Variants in PLEKHG3 observed in about 807,000 individuals in gnomAD.
The protein encoded by PLEKHG3 is pleckstrin homology domain-containing family G member 3.
A neutral mutation model predicts 94.9 loss-of-function variants in PLEKHG3; 62 were observed. The ratio of observed to expected loss-of-function variants is 0.65; its 90% CI spans 0.53 to 0.81. PLEKHG3 has a LOEUF of 0.81. Ranked by LOEUF, PLEKHG3 falls within the 30% of genes least tolerant of loss-of-function variation. PLEKHG3 has a pLI of 0.00. For missense variants in PLEKHG3, 1,461 were observed against 1,619.3 expected (o/e 0.90, Z 1.68); for synonymous variants, 614 against 654.0 (o/e 0.94, Z 0.93).
At position 64,749,998 on chromosome 14, in the gene PLEKHG3, C is replaced by T. The variant is rs1174991849; in HGVS notation, c.*6295C>T. On this transcript the variant is annotated 3_prime_UTR_variant, in exon 17 of 17. Transcript: ENST00000247226. This position sits in a 1 kb window ranked among gnomAD's most constrained non-coding sequence, Gnocchi z 4.7. ...GGCCTCACCTCAGCTTAAAGACGTG[C>T]TTCTTCTTCTTGTAGTTGGCAGCAA... 13 of 1,613,090 alleles carry T rather than the reference C, an allele frequency of 8.1e-6. No individual in the cohort carries two copies. Among genetic ancestry groups the T allele is most frequent in the Non-Finnish European group, 1.1e-5 (13 of 1,179,018 alleles).
rs530220397 is a variant in PLEKHG3, at chr14:64,743,077, C to G, written c.3034C>G (p.Pro1012Ala). 1.2e-6 allele frequency: 2 copies of G among 1,613,254 alleles called. No individual in the cohort carries two copies. Among genetic ancestry groups the G allele is most frequent in the African/African-American group, 1.3e-5 (1 of 75,058 alleles). ...PKPSSAGEMS[P>A]QRFFFNPSAV... ...GCCCTCCTCGGCTGGGGAGATGTCA[C>G]CACAGCGTTTCTTCTTCAACCCGTC... Residue 1012 changes from proline (P) to alanine (A), a missense_variant, in exon 17 of 17, where the codon CCA becomes GCA. By Grantham distance (27) the Pro-to-Ala change is conservative (BLOSUM62 -1). Transcript: ENST00000247226. This position sits in a 1 kb window ranked among gnomAD's most constrained non-coding sequence, Gnocchi z 7.2.
At chr14:64,729,933 T>C (rs1463669098) in intron 3 of PLEKHG3, among the ~76,000 whole-genome samples, 1 of 152,196 alleles carries the variant, frequency 6.6e-6, no homozygotes, top group Non-Finnish European at 1.5e-5. Context: ...CCTCTGCTTT[T>C]GTGTGTTTGA....
Position 64,731,868 on chromosome 14 carries a change from A to ACT in PLEKHG3, c.1125+64_1125+65dup. ...GATGCCCAGGGGACACCTGCGTGGG[A>ACT]CTCCTGGCTCCTCTGCTCACCTAGC... On this transcript the variant is annotated intron_variant, in intron 9 of 16. Transcript: ENST00000247226. This position sits in a 1 kb window ranked among gnomAD's most constrained non-coding sequence, Gnocchi z 6.1. 3 of 1,208,750 alleles carry ACT rather than the reference A, an allele frequency of 2.5e-6. No homozygotes were observed. Among genetic ancestry groups the ACT allele is most frequent in the Non-Finnish European group, 3.7e-6 (3 of 818,230 alleles). The allele number at this position is 1,208,750 out of a possible 1,614,324, so 74.9% of individuals were successfully genotyped here.
At chr14:64,712,835 A>G (rs555722774) in intron 1 of PLEKHG3, among the ~76,000 whole-genome samples, 5 of 152,144 alleles carry the variant, frequency 3.3e-5, no homozygotes, top group African/African-American at 1.2e-4. Flanking sequence ...CCTGGCTGGA[A>G]CTCCAGTATC....
At position 64,731,511 on chromosome 14, in the gene PLEKHG3, G is replaced by A. The variant is rs745483993; in HGVS notation, c.1000G>A (p.Gly334Ser). 1 of 1,614,034 alleles carries A rather than the reference G, an allele frequency of 6.2e-7. No homozygotes were observed. The highest frequency in any genetic ancestry group is 1.1e-5 in the South Asian group (1 of 91,072). Residue 334 changes from glycine (G) to serine (S), a missense_variant, in exon 8 of 17, where the codon GGC becomes AGC. Gly to Ser is a moderately conservative substitution (Grantham distance 56). Transcript: ENST00000247226. This position sits in a 1 kb window ranked among gnomAD's most constrained non-coding sequence, Gnocchi z 6.1. ...DKTLLITKKR[G>S]DHFVYKGNIP... is the part of the protein sequence containing the mutation. The stretch of plus-strand genomic sequence containing the variant: ...AACACTGCTTATCACCAAGAAGCGG[G>A]GCGATCACTTTGTCTACAAGGGCAA...
At chr14:64,740,336 A>G (rs1330963433) in intron 15 of PLEKHG3, among the ~76,000 whole-genome samples, 1 of 152,230 alleles carries the variant, frequency 6.6e-6, no homozygotes, top group African/African-American at 2.4e-5. Flanking sequence ...GTATGTCATC[A>G]GTTCTGTGGT....
Position 64,731,613 on chromosome 14 carries a change from G to A in PLEKHG3, c.1032+70G>A, listed in dbSNP as rs1352747681. ...CCAAAGGATCTGGGCTCCCCTTCTTGTCTGCTTCTTGGGGCTCCAGCACCA... is the reference window on the plus strand; with the variant it reads ...CCAAAGGATCTGGGCTCCCCTTCTTATCTGCTTCTTGGGGCTCCAGCACCA... On this transcript the variant is annotated intron_variant, in intron 8 of 16. Coordinates refer to ENST00000247226, the MANE Select transcript of PLEKHG3 (RefSeq NM_001308147.2). This position sits in a 1 kb window ranked among gnomAD's most constrained non-coding sequence, Gnocchi z 6.1. 2.1e-5 allele frequency: 32 copies of A among 1,555,314 alleles called. No individual in the cohort carries two copies. Among genetic ancestry groups the A allele is most frequent in the Admixed American group, 3.3e-5 (2 of 59,850 alleles).
chr14:64,712,679 C>T (rs1360321629), intron 1 of PLEKHG3, among the ~76,000 whole-genome samples: 1 of 152,084 alleles, frequency 6.6e-6, no homozygotes, highest in Non-Finnish European at 1.5e-5. Flanking sequence ...TGGTACATTG[C>T]TGAACACTTT....
rs974834813 is a variant in PLEKHG3, at chr14:64,721,516, G to A, written c.-39-6077G>A. On this transcript the variant is annotated intron_variant, in intron 1 of 16. Transcript: ENST00000247226. The surrounding 1 kb of genome is among the most constrained non-coding windows in gnomAD (Gnocchi z 4.3). ...GACTACATGGGCCCTGCTGCTCTTA[G>A]GTGGTGGGAAAATGCATTCCTGAGG... 2.1e-4 allele frequency among the ~76,000 whole-genome samples: 32 copies of A among 152,212 alleles called. No individual in the cohort carries two copies. Among genetic ancestry groups the A allele is most frequent in the Admixed American group, 1.3e-4 (2 of 15,286 alleles).
rs1177722540 is a variant in PLEKHG3, at chr14:64,742,385, T to C, written c.2868T>C (p.Pro956=). 6.2e-7 allele frequency: 1 copy of C among 1,612,756 alleles called. No individual in the cohort carries two copies. Among genetic ancestry groups the C allele is most frequent in the Admixed American group, 1.7e-5 (1 of 60,020 alleles). The stretch of plus-strand genomic sequence containing the variant: ...CACTGCAGTGGGAAAAGGTGGCCCC[T>C]GAGAGGGATGGGAAGAGCCCCACTG... ...RPPLQWEKVA[P]ERDGKSPTVP... is the part of the protein sequence containing the mutation. Residue 956 remains proline, a synonymous_variant, in exon 16 of 17, where the codon CCT becomes CCC. Coordinates refer to ENST00000247226, the MANE Select transcript of PLEKHG3 (RefSeq NM_001308147.2).
Position 64,728,952 on chromosome 14 carries a change from G to A in PLEKHG3, c.352-44G>A. ...GTGTGGCTAGGGAAGGTAGTGGGCA[G>A]GGTTGTGCCGGGGGCTAGGTTCTGA... On this transcript the variant is annotated intron_variant, in intron 2 of 16. Coordinates refer to ENST00000247226, the MANE Select transcript of PLEKHG3 (RefSeq NM_001308147.2). The surrounding 1 kb of genome is among the most constrained non-coding windows in gnomAD (Gnocchi z 5.9). 2.6e-6 allele frequency: 2 copies of A among 762,092 alleles called. No individual in the cohort carries two copies. The highest frequency in any genetic ancestry group is 4.5e-6 in the Non-Finnish European group (2 of 447,290). 47.2% of individuals were successfully genotyped at this position (762,092 alleles called of 1,614,324 possible).
rs1365342511 is a variant in PLEKHG3, at chr14:64,732,088, C to T, written c.1126-7C>T. The T allele has an allele frequency of 6.2e-7, 1 of 1,609,646 alleles. No homozygotes were observed. The highest frequency in any genetic ancestry group is 1.1e-5 in the South Asian group (1 of 90,950). ...CCACTGGGTCCCTTTCCCTTGGGTC[C>T]TCCCAGGCCAAGACAGTGGAGGAGA... On this transcript the variant is annotated splice_polypyrimidine_tract_variant and splice_region_variant and intron_variant, in intron 9 of 16. Coordinates refer to ENST00000247226, the MANE Select transcript of PLEKHG3 (RefSeq NM_001308147.2). This position sits in a 1 kb window ranked among gnomAD's most constrained non-coding sequence, Gnocchi z 4.9.
Position 64,732,556 on chromosome 14 carries a change from A to T in PLEKHG3, c.1246+96A>T. The stretch of plus-strand genomic sequence containing the variant: ...AAGCTTTACCTGATAATTTTATTCC[A>T]GGAGCAGGGAGGGCGGGGGTCTCCT... On this transcript the variant is annotated intron_variant, in intron 11 of 16. Coordinates refer to ENST00000247226, the MANE Select transcript of PLEKHG3 (RefSeq NM_001308147.2). This position sits in a 1 kb window ranked among gnomAD's most constrained non-coding sequence, Gnocchi z 4.9. 30 of 1,035,236 alleles carry T rather than the reference A, an allele frequency of 2.9e-5. No homozygotes were observed. Among genetic ancestry groups the T allele is most frequent in the Non-Finnish European group, 4.0e-5 (26 of 656,728 alleles). The allele number at this position is 1,035,236 out of a possible 1,614,324, so 64.1% of individuals were successfully genotyped here.
At position 64,741,305 on chromosome 14, in the gene PLEKHG3, C is replaced by T; in HGVS notation, c.1788C>T (p.Pro596=). The T allele has an allele frequency of 6.2e-7, 1 of 1,613,788 alleles. No individual in the cohort carries two copies. Among genetic ancestry groups the T allele is most frequent in the Non-Finnish European group, 8.5e-7 (1 of 1,180,032 alleles). ...AAQEPESLLP[P]SVLDQASVIA... ...AGGAGCCTGAGAGCCTTCTGCCACC[C>T]TCTGTGCTGGACCAGGCCAGCGTCA... Residue 596 remains proline (P), a synonymous_variant, in exon 16 of 17, where the codon CCC becomes CCT. Coordinates refer to ENST00000247226, the MANE Select transcript of PLEKHG3 (RefSeq NM_001308147.2).
rs912575120 is a variant in PLEKHG3, at chr14:64,722,692, G to C, written c.-39-4901G>C. 6.6e-6 allele frequency among the ~76,000 whole-genome samples: 1 copy of C among 152,226 alleles called. No homozygotes were observed. Among genetic ancestry groups the C allele is most frequent in the Non-Finnish European group, 1.5e-5 (1 of 68,036 alleles). On this transcript the variant is annotated intron_variant, in intron 1 of 16. Transcript: ENST00000247226. The surrounding 1 kb of genome is among the most constrained non-coding windows in gnomAD (Gnocchi z 4.3). ...TGGGGTGAAGGGCAGTGGATGAAAT[G>C]ACGACATCAGCCTCTGAACCAGAAT...
chr14:64,738,022 T>C lies in PLEKHG3; in HGVS notation c.1404+647T>C. On this transcript the variant is annotated intron_variant, in intron 14 of 16. Coordinates refer to ENST00000247226, the MANE Select transcript of PLEKHG3 (RefSeq NM_001308147.2). The surrounding 1 kb of genome is among the most constrained non-coding windows in gnomAD (Gnocchi z 4.8). ...GAGGAGGAAGAGCAGGCCTTTCAGG[T>C]CTCTCTGGAGGACCTGACAGGGCAT... 7.8e-7 allele frequency: 1 copy of C among 1,281,268 alleles called. No individual in the cohort carries two copies. The highest frequency in any genetic ancestry group is 2.4e-5 in the Admixed American group (1 of 42,158). The allele number at this position is 1,281,268 out of a possible 1,614,324, so 79.4% of individuals were successfully genotyped here. A position where few individuals can be genotyped will look rare whatever the true frequency, so the allele number is the denominator to read the frequency against.
intron 15 of PLEKHG3, among the ~76,000 whole-genome samples, chr14:64,740,480 C>T (rs763019336): frequency 3.3e-5 from 5 of 152,226 alleles, no homozygotes; most frequent in African/African-American, 9.6e-5. Context: ...CATCCTCTGA[C>T]GAGATTCCAG....
rs748658459 is a variant in PLEKHG3 at position 64,741,629 on chromosome 14, G to A, written c.2112G>A (p.Lys704=). 4 of 1,612,958 alleles carry A rather than the reference G, an allele frequency of 2.5e-6. No homozygotes were observed. The African/African-American group carries it at 4.0e-5, about 16-fold the overall frequency. The change falls in exon 16 of 17, where the codon AAG becomes AAA. Residue 704 remains lysine (K), a synonymous_variant. Transcript: ENST00000247226. Reference sequence around the variant, plus strand: ...AGCCTGACCGGTCTTCCTGCAAGAAGAAGGAATCAGCACTCTCCACCCGAG... The same window carrying A: ...AGCCTGACCGGTCTTCCTGCAAGAAAAAGGAATCAGCACTCTCCACCCGAG... ...PVEPDRSSCK[K]KESALSTRDR...
chr14:64,727,836 T>C lies in PLEKHG3; in HGVS notation c.205T>C (p.Leu69=). Residue 69 remains leucine (L), a synonymous_variant, in exon 2 of 17, where the codon TTG becomes CTG. Transcript: ENST00000247226. This position sits in a 1 kb window ranked among gnomAD's most constrained non-coding sequence, Gnocchi z 6.0. ...CAGCAACAACAACTCCAGCAGCTGG[T>C]TGAACGTGAAGGGGCCCCTCTCCCC... The part of the protein sequence containing the change: ...PNSNNNSSSW[L]NVKGPLSPFN... The C allele has an allele frequency of 6.2e-7, 1 of 1,612,874 alleles. No homozygotes were observed. Among genetic ancestry groups the C allele is most frequent in the Non-Finnish European group, 8.5e-7 (1 of 1,179,332 alleles).
Sources: allele counts gnomAD v4.1 joint callset (sites outside exome capture counted in the v4.1 genomes callset), GRCh38; gene constraint gnomAD v4.1.1; non-coding constraint Gnocchi (gnomAD v3.1); transcripts MANE v1.5; gene names NCBI Gene and HGNC (gene_info 2026-07-23, HGNC 2026-07-21).